Variants in RNF20 observed in about 807,000 individuals in gnomAD.
RNF20 encodes the protein E3 ubiquitin-protein ligase BRE1A.
In RNF20, 84 loss-of-function variants were observed where a neutral mutation model predicts 126.2. The observed-to-expected ratio is 0.67, with a 90% confidence interval of 0.56 to 0.80. The LOEUF (loss-of-function observed/expected upper bound fraction) is 0.80. Ranked by LOEUF, RNF20 falls within the 30% of genes least tolerant of loss-of-function variation. The pLI, the probability that RNF20 is intolerant of heterozygous loss-of-function variation, is 0.00. For synonymous variants in RNF20, 400 were observed against 414.3 expected (o/e 0.97, Z 0.42); for missense variants, 869 against 1,188.2 (o/e 0.73, Z 3.95).
At chr9:101,559,234 C>T in intron 16 of RNF20, among the ~76,000 whole-genome samples, 1 of 152,136 alleles carries the variant, frequency 6.6e-6, no homozygotes, top group Middle Eastern at 3.2e-3. Context: ...TCTGGGTTCT[C>T]TATTCTGTTA....
chr9:101,561,355 A>G, intron 18 of RNF20, 125 bp downstream of exon 18: 1 of 1,009,136 alleles, frequency 9.9e-7, no homozygotes, highest in South Asian at 1.6e-5. Context: ...AAGTTTGTTG[A>G]GGGAAGAGAG....
At chr9:101,542,420 C>G (rs890647818) in intron 5 of RNF20, among the ~76,000 whole-genome samples, 9 of 152,196 alleles carry the variant, frequency 5.9e-5, no homozygotes. Context: ...TAATATCTTA[C>G]ATCTACTTGC....
At position 101,562,347 on chromosome 9, in the gene RNF20, CA is replaced by C; in HGVS notation, c.2854del (p.Thr952ProfsTer56). On this transcript the variant is annotated frameshift_variant, in exon 20 of 20. Coordinates refer to ENST00000389120, the MANE Select transcript of RNF20 (RefSeq NM_019592.7). LOFTEE classifies it high-confidence loss of function. ...CFECVKTRYDTRQRKCPKCNA... is the reference protein window; with the variant it reads ...CFECVKTRYDXRQRKCPKCNA... ...TTGAGTGTGTGAAGACACGCTATGACACCCGCCAGCGCAAATGTCCCAAGTG... is the reference window on the plus strand; with the variant it reads ...TTGAGTGTGTGAAGACACGCTATGACCCCGCCAGCGCAAATGTCCCAAGTG... The C allele has an allele frequency of 1.2e-6, 2 of 1,614,012 alleles. No homozygotes were observed. Among genetic ancestry groups the C allele is most frequent in the Non-Finnish European group, 1.7e-6 (2 of 1,179,966 alleles).
Position 101,561,231 on chromosome 9 carries a change from G to A in RNF20, c.2649+1G>A. ...CATGTTCAATTTCAAACGAGCCCAG[G>A]TAAAAGCAGTTGTCTTTTCTTGTCA... is the stretch of plus-strand genomic sequence containing the variant. On this transcript the variant is annotated splice_donor_variant, in intron 18 of 19. Transcript: ENST00000389120. LOFTEE classifies it high-confidence loss of function. The A allele has an allele frequency of 6.2e-7, 1 of 1,613,380 alleles. No homozygotes were observed. The highest frequency in any genetic ancestry group is 8.5e-7 in the Non-Finnish European group (1 of 1,179,516).
At chr9:101,553,195 A>G (rs972212791) in intron 13 of RNF20, among the ~76,000 whole-genome samples, 2 of 152,210 alleles carry the variant, frequency 1.3e-5, no homozygotes, top group African/African-American at 4.8e-5. Flanking sequence ...TGAATATGCC[A>G]TATCTTTCTT....
intron 10 of RNF20, 134 bp from the exon 11 acceptor site, chr9:101,551,550 A>C (rs1022109065): frequency 2.3e-5 from 9 of 385,972 alleles, no homozygotes; most frequent in African/African-American, 2.0e-4. Flanking sequence ...TCAGTTTCCA[A>C]ATTAGTCTTT....
At chr9:101,551,572 G>T in intron 10 of RNF20, 112 bp from the exon 11 acceptor site, 1 of 472,156 alleles carries the variant, frequency 2.1e-6, no homozygotes. Flanking sequence ...GTAGATATCT[G>T]GTTTCATTAC....
At chr9:101,534,831 A>G (rs964703968) in intron 1 of RNF20, among the ~76,000 whole-genome samples, 1 of 151,640 alleles carries the variant, frequency 6.6e-6, no homozygotes, top group Non-Finnish European at 1.5e-5. Context: ...CCCTTTGCCC[A>G]TTGTCTCATT....
chr9:101,556,410 A>G (rs1827531118), intron 15 of RNF20, among the ~76,000 whole-genome samples: 1 of 152,304 alleles, frequency 6.6e-6, no homozygotes, highest in East Asian at 1.9e-4. Context: ...GATACTTATT[A>G]TGTGCTAAAT....
rs900784741 is a variant in RNF20, at chr9:101,561,199, A to G, written c.2618A>G (p.Glu873Gly). ...DEIVENSVTK[E>G]KDMFNFKRAQ... is the part of the protein sequence containing the mutation. ...ATCGTGGAGAACAGTGTTACCAAAGAAAAGGACATGTTCAATTTCAAACGA... is the reference window on the plus strand; with the variant it reads ...ATCGTGGAGAACAGTGTTACCAAAGGAAAGGACATGTTCAATTTCAAACGA... Residue 873 changes from glutamate to glycine, a missense_variant, in exon 18 of 20, where the codon GAA (glutamate) becomes GGA (glycine). This residue lies in a region of RNF20 where 150 missense variants were observed against 173.7 expected (regional missense o/e 0.86). Coordinates refer to ENST00000389120, the MANE Select transcript of RNF20 (RefSeq NM_019592.7). The G allele has an allele frequency of 2.5e-6, 4 of 1,613,876 alleles. No individual in the cohort carries two copies. The African/African-American group carries it at 4.0e-5, about 16-fold the overall frequency.
intron 11 of RNF20, 76 bp from the exon 12 acceptor site, chr9:101,552,065 T>C (rs1827455344): frequency 6.4e-7 from 1 of 1,573,700 alleles, no homozygotes; most frequent in South Asian, 1.1e-5. Context: ...TGCCTCCTGA[T>C]GTGTTCTGTT....
chr9:101,547,304 G>A, intron 8 of RNF20, 90 bp downstream of exon 8: 1 of 1,597,958 alleles, frequency 6.3e-7, no homozygotes, highest in African/African-American at 1.3e-5. Context: ...GACATCATGG[G>A]GTTTTGCTGG....
At chr9:101,549,767 C>T (rs999759335) in intron 9 of RNF20, among the ~76,000 whole-genome samples, 3 of 152,228 alleles carry the variant, frequency 2.0e-5, no homozygotes, top group African/African-American at 7.2e-5. Context: ...CTTCTGGTCA[C>T]TTCTCACTGT....
chr9:101,559,127 A>G (rs1429160501), intron 16 of RNF20, among the ~76,000 whole-genome samples: 1 of 152,084 alleles, frequency 6.6e-6, no homozygotes, highest in East Asian at 1.9e-4. Context: ...TGGCTTGCCA[A>G]TTATCCTACC....
intron 15 of RNF20, 50 bp downstream of exon 15, chr9:101,554,893 A>T: frequency 7.5e-7 from 1 of 1,334,584 alleles, no homozygotes; most frequent in Non-Finnish European, 9.8e-7. Flanking sequence ...ATGTTACTTG[A>T]CAATAAGTTA....
intron 7 of RNF20, 51 bp downstream of exon 7, chr9:101,547,017 T>A (rs1380154869): frequency 6.2e-7 from 1 of 1,605,436 alleles, no homozygotes; most frequent in Non-Finnish European, 8.5e-7. Flanking sequence ...AGGAGTGTTC[T>A]CAGGAAGACT....
chr9:101,550,581 T>A (rs1564110122), intron 9 of RNF20, 25 bp from the exon 10 acceptor site: 1 of 1,602,258 alleles, frequency 6.2e-7, no homozygotes, highest in Non-Finnish European at 8.5e-7. Context: ...ATTCTGCTTC[T>A]GACTTTGCTT....
intron 2 of RNF20, among the ~76,000 whole-genome samples, chr9:101,535,862 C>T (rs939250954): frequency 2.6e-5 from 4 of 152,168 alleles, no homozygotes; most frequent in African/African-American, 9.7e-5. Flanking sequence ...CTGAAAAAGT[C>T]AGTACCAGAT....
At chr9:101,539,808 T>C (rs910222858) in intron 2 of RNF20, among the ~76,000 whole-genome samples, 2 of 152,106 alleles carry the variant, frequency 1.3e-5, no homozygotes, top group African/African-American at 4.8e-5. Context: ...CCAGATATAT[T>C]GGCAGGAACT....
Sources: allele counts gnomAD v4.1 joint callset (sites outside exome capture counted in the v4.1 genomes callset), GRCh38; gene constraint gnomAD v4.1.1; regional missense constraint gnomAD v4.1.1; transcripts MANE v1.5; gene names NCBI Gene and HGNC (gene_info 2026-07-23, HGNC 2026-07-21).